Variants in ADAM22 observed in about 807,000 individuals in gnomAD.
ADAM22 encodes disintegrin and metalloproteinase domain-containing protein 22.
Under a neutral mutation model 144.6 loss-of-function variants are expected in ADAM22, and 65 were observed. The ratio of observed to expected loss-of-function variants is 0.45; its 90% confidence interval spans 0.37 to 0.55. The LOEUF is 0.55. ADAM22 is among the 20% of genes least tolerant of loss of function. ADAM22 has a pLI of 0.00. For missense variants in ADAM22, 974 were observed against 1,184.9 expected (o/e 0.82, Z 2.61); for synonymous variants, 391 against 412.6 (o/e 0.95, Z 0.63).
chr7:88,057,806 G>A (rs1027081708), intron 3 of ADAM22, among the ~76,000 whole-genome samples: 1 of 152,190 alleles, frequency 6.6e-6, no homozygotes, highest in African/African-American at 2.4e-5. Context: ...ATGTGAGAGA[G>A]TGGAAAGGTC....
intron 14 of ADAM22, 62 bp from the exon 15 acceptor site, chr7:88,142,964 C>T: frequency 1.9e-6 from 2 of 1,032,156 alleles, no homozygotes; most frequent in Non-Finnish European, 3.0e-6. Context: ...CTTCAGTTTT[C>T]AGACATTCAC....
intron 4 of ADAM22, among the ~76,000 whole-genome samples, chr7:88,099,740 T>C (rs887693190): frequency 1.3e-5 from 2 of 152,218 alleles, no homozygotes; most frequent in African/African-American, 2.4e-5. Flanking sequence ...CCTATAGTGC[T>C]AAGTTAAAGT....
chr7:88,149,395 G>A (rs985965140), intron 18 of ADAM22, among the ~76,000 whole-genome samples: 3 of 152,176 alleles, frequency 2.0e-5, no homozygotes, highest in African/African-American at 4.8e-5. Flanking sequence ...GTCAGTGGAG[G>A]CAGGGACTCA....
intron 3 of ADAM22, among the ~76,000 whole-genome samples, chr7:87,996,751 G>A (rs1433346062): frequency 6.6e-6 from 1 of 152,232 alleles, no homozygotes; most frequent in Non-Finnish European, 1.5e-5. Flanking sequence ...GAGAGGCAGT[G>A]TTACCAAATT....
chr7:88,028,065 A>G (rs1434545696), intron 3 of ADAM22, among the ~76,000 whole-genome samples: 1 of 152,208 alleles, frequency 6.6e-6, no homozygotes, highest in East Asian at 1.9e-4. Context: ...GATTACAGGC[A>G]TGAGCCACTG....
chr7:87,966,731 T>TG lies in ADAM22; in HGVS notation c.247-11605_247-11604insG, dbSNP rs1562874224. The stretch of plus-strand genomic sequence containing the variant: ...TATCCAAGGAAAGCCGTTTTTTTTT[T>TG]TTTTTTTTTTTTTTTTTTTTTGTGG... On this transcript the variant is annotated intron_variant, in intron 2 of 31. Coordinates refer to ENST00000413139, the MANE Select transcript of ADAM22 (RefSeq NM_001324418.2). Among the ~76,000 whole-genome samples the TG allele has an allele frequency of 1.6e-5, 2 of 128,452 alleles. 1 individual carries two copies. The highest frequency in any genetic ancestry group is 6.0e-5 in the African/African-American group (2 of 33,434). The allele number at this position is 128,452 out of a possible 152,430, so 84.3% of individuals were successfully genotyped here. A position where few individuals can be genotyped will look rare whatever the true frequency, so the allele number is the denominator to read the frequency against.
chr7:88,074,201 G>A (rs562742076), intron 3 of ADAM22, among the ~76,000 whole-genome samples: 1 of 152,262 alleles, frequency 6.6e-6, no homozygotes, highest in South Asian at 2.1e-4. Flanking sequence ...AAGTACATAT[G>A]TATATTTAGT....
chr7:88,091,961 C>G (rs1465011880), intron 4 of ADAM22, among the ~76,000 whole-genome samples: 1 of 151,846 alleles, frequency 6.6e-6, no homozygotes, highest in Non-Finnish European at 1.5e-5. Flanking sequence ...CCACCCCCCG[C>G]TTTTTTTAAA....
intron 3 of ADAM22, among the ~76,000 whole-genome samples, chr7:88,039,464 A>AAAAAAAAAAAAAAAAAAAATATATAT: frequency 3.9e-5 from 3 of 76,372 alleles, no homozygotes; most frequent in Non-Finnish European, 5.4e-5. Context: ...AAAAAAAAAA[A>AAAAAAAAAAAAAAAAAAAATATATAT]ATATATATAT....
At position 87,935,195 on chromosome 7, in the gene ADAM22, C is replaced by A; in HGVS notation, c.246+9C>A. 1 of 1,589,428 alleles carries A rather than the reference C, an allele frequency of 6.3e-7. No individual in the cohort carries two copies. Among genetic ancestry groups the A allele is most frequent in the Non-Finnish European group, 8.6e-7 (1 of 1,167,786 alleles). On this transcript the variant is annotated intron_variant, in intron 2 of 31. Coordinates refer to ENST00000413139, the MANE Select transcript of ADAM22 (RefSeq NM_001324418.2). The stretch of plus-strand genomic sequence containing the variant: ...ACCTCGGTGGCCCGCAGGTGAGAGG[C>A]TCGGTCCGGGAGGTGGTCCTCCGCG...
At chr7:88,095,814 A>G (rs1821095610) in intron 4 of ADAM22, among the ~76,000 whole-genome samples, 1 of 152,150 alleles carries the variant, frequency 6.6e-6, no homozygotes, top group Non-Finnish European at 1.5e-5. Flanking sequence ...TTTAAAATCT[A>G]CTAATTGTGT....
chr7:87,953,273 G>A (rs1276567284), intron 2 of ADAM22, among the ~76,000 whole-genome samples: 1 of 151,584 alleles, frequency 6.6e-6, no homozygotes, highest in Non-Finnish European at 1.5e-5. Flanking sequence ...TCTCTTGTGG[G>A]CATTTAGTGC....
At chr7:88,024,534 A>C (rs1440512002) in intron 3 of ADAM22, among the ~76,000 whole-genome samples, 1 of 151,748 alleles carries the variant, frequency 6.6e-6, no homozygotes, top group Admixed American at 6.6e-5. Context: ...ATTTTAATTA[A>C]ATTATTGGAT....
intron 3 of ADAM22, among the ~76,000 whole-genome samples, chr7:88,003,626 C>G (rs574645904): frequency 1.3e-5 from 2 of 152,114 alleles, no homozygotes; most frequent in Admixed American, 6.5e-5. Flanking sequence ...AAAGAGAAGA[C>G]AGATTTCAAT....
chr7:88,123,386 T>C (rs1209456811), intron 7 of ADAM22, among the ~76,000 whole-genome samples: 1 of 152,104 alleles, frequency 6.6e-6, no homozygotes, highest in Non-Finnish European at 1.5e-5. Context: ...CCTTGTGGTT[T>C]TCTTGGAAAG....
chr7:88,047,899 A>T (rs1210909903), intron 3 of ADAM22, among the ~76,000 whole-genome samples: 1 of 152,126 alleles, frequency 6.6e-6, no homozygotes, highest in Admixed American at 6.5e-5. Context: ...TTATTCACAT[A>T]TACATATATA....
chr7:88,118,141 A>C (rs1046437932), intron 7 of ADAM22, among the ~76,000 whole-genome samples: 1 of 152,180 alleles, frequency 6.6e-6, no homozygotes, highest in Non-Finnish European at 1.5e-5. Context: ...TTGAGTTTTG[A>C]ATTATGACAC....
intron 4 of ADAM22, among the ~76,000 whole-genome samples, chr7:88,086,733 C>G (rs186029042): frequency 3.3e-4 from 50 of 152,288 alleles, no homozygotes; most frequent in African/African-American, 1.2e-3. Context: ...AACCATCGTT[C>G]TGGATTCATA....
chr7:88,021,339 A>T (rs1270398535), intron 3 of ADAM22, among the ~76,000 whole-genome samples: 1 of 152,184 alleles, frequency 6.6e-6, no homozygotes, highest in Non-Finnish European at 1.5e-5. Flanking sequence ...AAGTAAACTG[A>T]GGAGTGGGGA....
Sources: gnomAD v4.1 joint callset for allele counts (sites outside exome capture counted in the v4.1 genomes callset) on GRCh38, gnomAD v4.1.1 for gene constraint, MANE v1.5 for transcripts, NCBI Gene and HGNC (gene_info 2026-07-23, HGNC 2026-07-21) for gene names.